The following KHDRBS2 variants were observed in gnomAD, a reference collection of about 807,000 sequenced individuals.
KHDRBS2 encodes the protein KH domain-containing, RNA-binding, signal transduction-associated protein 2.
Under a neutral mutation model 44.3 loss-of-function variants are expected in KHDRBS2, and 26 were observed. That is an observed-to-expected ratio of 0.59 (90% CI 0.43 to 0.81). KHDRBS2 has a LOEUF of 0.81. Among genes scored for constraint, KHDRBS2 ranks in the 40% least tolerant of loss-of-function variants. KHDRBS2 has a pLI of 0.00. For missense variants in KHDRBS2, 476 were observed against 433.1 expected (o/e 1.10, Z -0.88); for synonymous variants, 194 against 151.1 (o/e 1.28, Z -2.08).
the KHDRBS2 span, among the ~76,000 whole-genome samples, chr6:61,565,998 G>GGT: frequency 0.012 from 1,802 of 148,910 alleles, 25 homozygotes; most frequent in African/African-American, 0.034. Context: ...AAGAAAATGT[G>GGT]GTGTGTGTGT....
At chr6:61,816,780 C>A (rs1038342583) in intron 6 of KHDRBS2, 1 of 370,758 alleles carries the variant, frequency 2.7e-6, no homozygotes, top group Non-Finnish European at 5.4e-6. Flanking sequence ...CATATTCATT[C>A]AAGGTGACAT....
chr6:61,870,260 G>C (rs1798465426), intron 6 of KHDRBS2, among the ~76,000 whole-genome samples: 1 of 152,176 alleles, frequency 6.6e-6, no homozygotes, highest in South Asian at 2.1e-4. Flanking sequence ...TACTCTCACA[G>C]TGTTAACAGC....
chr6:62,280,022 C>A (rs1841577108), intron 1 of KHDRBS2, among the ~76,000 whole-genome samples: 1 of 152,082 alleles, frequency 6.6e-6, no homozygotes, highest in East Asian at 1.9e-4. Context: ...ACAGGCACAA[C>A]CTGATCATTC....
intron 8 of KHDRBS2, among the ~76,000 whole-genome samples, chr6:61,690,552 AT>A (rs1243926535): frequency 1.3e-4 from 20 of 152,152 alleles, no homozygotes; most frequent in Admixed American, 7.9e-4. Context: ...TGTTGGGTAA[AT>A]TTTTTAAAAA....
At chr6:62,242,785 T>C (rs1385861642) in intron 1 of KHDRBS2, among the ~76,000 whole-genome samples, 1 of 152,216 alleles carries the variant, frequency 6.6e-6, no homozygotes, top group African/African-American at 2.4e-5. Context: ...CTTTCAGAAC[T>C]GATGCTTTTC....
At chr6:61,545,327 C>A in the KHDRBS2 span, among the ~76,000 whole-genome samples, 32 of 152,024 alleles carry the variant, frequency 2.1e-4, no homozygotes, top group African/African-American at 6.7e-4. Context: ...AGGCCATCAT[C>A]CCCAGTTGCT....
intron 1 of KHDRBS2, among the ~76,000 whole-genome samples, chr6:62,216,037 T>C (rs570389219): frequency 6.6e-6 from 1 of 151,872 alleles, no homozygotes; most frequent in Non-Finnish European, 1.5e-5. Flanking sequence ...ATTTTAAAGA[T>C]TTTGTACTTT....
At chr6:62,155,621 A>G (rs1376831243) in intron 2 of KHDRBS2, among the ~76,000 whole-genome samples, 2 of 152,208 alleles carry the variant, frequency 1.3e-5, no homozygotes, top group Non-Finnish European at 2.9e-5. Context: ...TGTCCAAGAC[A>G]TAGTAAAGTA....
intron 6 of KHDRBS2, among the ~76,000 whole-genome samples, chr6:61,780,949 C>A (rs546013449): frequency 1.3e-5 from 2 of 152,192 alleles, no homozygotes; most frequent in South Asian, 4.1e-4. Context: ...GTGTACAGGT[C>A]TTTCCTTATA....
intron 2 of KHDRBS2, among the ~76,000 whole-genome samples, chr6:62,085,228 G>A (rs1165423702): frequency 1.3e-5 from 2 of 152,120 alleles, no homozygotes; most frequent in African/African-American, 2.4e-5. Flanking sequence ...AAGCTAGCTA[G>A]ATGAAACTGT....
At chr6:61,895,014 G>A (rs1276199216) in intron 5 of KHDRBS2, among the ~76,000 whole-genome samples, 181 bp from the exon 6 acceptor site, 2 of 150,602 alleles carry the variant, frequency 1.3e-5, no homozygotes, top group African/African-American at 4.9e-5. Flanking sequence ...AAAGTGTGTT[G>A]ATATCTATAG....
chr6:61,913,625 GAC>G (rs1806437278), intron 4 of KHDRBS2, among the ~76,000 whole-genome samples: 1 of 151,844 alleles, frequency 6.6e-6, no homozygotes, highest in African/African-American at 2.4e-5. Flanking sequence ...TGTGGGGAAA[GAC>G]TGAAAAAAAG....
At chr6:61,761,350 C>G (rs1383757226) in intron 6 of KHDRBS2, among the ~76,000 whole-genome samples, 1 of 152,122 alleles carries the variant, frequency 6.6e-6, no homozygotes, top group East Asian at 1.9e-4. Context: ...CTAAGGTATT[C>G]CTATAAACAC....
intron 2 of KHDRBS2, among the ~76,000 whole-genome samples, chr6:62,048,448 T>TTA (rs1788237191): frequency 6.6e-6 from 1 of 151,884 alleles, no homozygotes; most frequent in Non-Finnish European, 1.5e-5. Context: ...TGCTTTAAAT[T>TTA]AGTATCTAAA....
chr6:62,234,317 G>T (rs1459744699), intron 1 of KHDRBS2, among the ~76,000 whole-genome samples: 1 of 152,040 alleles, frequency 6.6e-6, no homozygotes, highest in Non-Finnish European at 1.5e-5. Context: ...GTGCAATATA[G>T]GTTTATTACT....
intron 1 of KHDRBS2, among the ~76,000 whole-genome samples, chr6:62,243,548 G>A (rs138205987): frequency 6.7e-6 from 1 of 149,966 alleles, no homozygotes; most frequent in East Asian, 2.0e-4. Context: ...TTACTCTGAA[G>A]TGTAAAGAAA....
intron 6 of KHDRBS2, among the ~76,000 whole-genome samples, chr6:61,780,770 C>A (rs1782813494): frequency 6.7e-6 from 1 of 150,116 alleles, no homozygotes; most frequent in Admixed American, 6.7e-5. Flanking sequence ...AATAGTAAAC[C>A]ATTTATAATA....
rs796362777 is a variant in KHDRBS2 at position 62,057,140 on chromosome 6, CT to C, written c.220-9147del. On this transcript the variant is annotated intron_variant, in intron 2 of 8. Transcript: ENST00000281156. The stretch of plus-strand genomic sequence containing the variant: ...ATATAAAAGTATTTTAAGTAAGCAA[CT>C]TTTCTTTTAATGTGCATGTTTTAAA... 1.2e-4 allele frequency among the ~76,000 whole-genome samples: 15 copies of C among 128,278 alleles called. 1 individual carries two copies. The highest frequency in any genetic ancestry group is 4.5e-4 in the African/African-American group (15 of 33,440). The allele number at this position is 128,278 out of a possible 152,430, so 84.2% of individuals were successfully genotyped here.
chr6:62,055,881 A>C (rs1415694182), intron 2 of KHDRBS2, among the ~76,000 whole-genome samples: 1 of 151,914 alleles, frequency 6.6e-6, no homozygotes, highest in Non-Finnish European at 1.5e-5. Flanking sequence ...GTGAGTGCTC[A>C]CTCCGTGGAT....
Sources: allele counts gnomAD v4.1 joint callset (sites outside exome capture counted in the v4.1 genomes callset), GRCh38; gene constraint gnomAD v4.1.1; transcripts MANE v1.5; gene names NCBI Gene and HGNC (gene_info 2026-07-23, HGNC 2026-07-21).